Variants in PCDHGA6 observed in about 807,000 individuals in gnomAD.
The protein encoded by PCDHGA6 is protocadherin gamma subfamily A, 6.
Under a neutral mutation model 60.6 loss-of-function variants are expected in PCDHGA6, and 41 were observed. The observed-to-expected ratio is 0.68, with a 90% CI of 0.53 to 0.88. The LOEUF (loss-of-function observed/expected upper bound fraction) is 0.88. Ranked by LOEUF, PCDHGA6 falls within the 40% of genes least tolerant of loss-of-function variation. The pLI is 0.00. For synonymous variants in PCDHGA6, 594 were observed against 524.4 expected (o/e 1.13, Z -1.81); for missense variants, 1,312 against 1,203.0 (o/e 1.09, Z -1.34).
intron 2 of PCDHGA6, among the ~76,000 whole-genome samples, chr5:141,505,007 C>T (rs1210694913): frequency 6.6e-6 from 1 of 152,050 alleles, no homozygotes; most frequent in Non-Finnish European, 1.5e-5. Flanking sequence ...ACTAAAAATA[C>T]AAAAATTAGC....
chr5:141,503,598 CAAAAA>C (rs765754054), intron 2 of PCDHGA6, among the ~76,000 whole-genome samples: 1 of 65,760 alleles, frequency 1.5e-5, no homozygotes, highest in African/African-American at 4.7e-5. Context: ...GACTCCAGCT[CAAAAA>C]AAAAAAAAAA....
At chr5:141,390,867 C>CATGT in intron 1 of PCDHGA6, 1 of 151,040 alleles carries the variant, frequency 6.6e-6, no homozygotes, top group East Asian at 1.9e-4. Flanking sequence ...GCTGTGTGTG[C>CATGT]GTGTGTGTGT....
At chr5:141,399,842 A>G (rs749737928) in intron 1 of PCDHGA6, 11 of 1,612,852 alleles carry the variant, frequency 6.8e-6, no homozygotes, top group Non-Finnish European at 8.5e-7. Flanking sequence ...GCGCTCTTCG[A>G]TATGGTGCCG....
chr5:141,433,142 G>A, intron 1 of PCDHGA6: 2 of 1,614,108 alleles, frequency 1.2e-6, no homozygotes, highest in African/African-American at 1.3e-5. Flanking sequence ...TTTGCTGTCA[G>A]GTGATTCGGT....
At position 141,375,511 on chromosome 5, in the gene PCDHGA6, A is replaced by C. The variant is rs372798366; in HGVS notation, c.1428A>C (p.Ala476=). The part of the protein sequence containing the change: ...PRGASIFSVN[A]LDPDVDQNAQ... ...GTGCCTCCATCTTCTCTGTGAATGC[A>C]CTGGACCCTGACGTGGACCAGAACG... The change falls in exon 1 of 4, where the codon GCA becomes GCC. Residue 476 remains alanine (A), a synonymous_variant. Transcript: ENST00000517434. 2 of 1,613,960 alleles carry C rather than the reference A, an allele frequency of 1.2e-6. No individual in the cohort carries two copies. Among genetic ancestry groups the C allele is most frequent in the South Asian group, 2.2e-5 (2 of 91,084 alleles).
chr5:141,395,195 C>T (rs1317395472), intron 1 of PCDHGA6: 1 of 1,613,760 alleles, frequency 6.2e-7, no homozygotes, highest in Admixed American at 1.7e-5. Context: ...TGTTAACATC[C>T]GTAGATTTTC....
chr5:141,427,205 C>T lies in PCDHGA6; in HGVS notation c.2424+50698C>T, dbSNP rs73280903. 3.4e-3 allele frequency: 1,562 copies of T among 456,606 alleles called. 21 individuals carry two copies. Among genetic ancestry groups the T allele is most frequent in the African/African-American group, 0.028 (1,422 of 50,136 alleles). 28.3% of individuals were successfully genotyped at this position (456,606 alleles called of 1,614,324 possible). Reference sequence around the variant, plus strand: ...TTAAATCCAAAGACTTAATAGACTTCGAATTTCGTAGCAGTTATACCATGA... The same window carrying T: ...TTAAATCCAAAGACTTAATAGACTTTGAATTTCGTAGCAGTTATACCATGA... On this transcript the variant is annotated intron_variant, in intron 1 of 3. Transcript: ENST00000517434.
intron 1 of PCDHGA6, among the ~76,000 whole-genome samples, chr5:141,442,917 G>A (rs1041756930): frequency 6.6e-6 from 1 of 152,178 alleles, no homozygotes; most frequent in Non-Finnish European, 1.5e-5. Context: ...GCACACAACT[G>A]TTTCATTTTC....
chr5:141,403,775 G>A (rs760589412), intron 1 of PCDHGA6: 2 of 1,613,866 alleles, frequency 1.2e-6, no homozygotes, highest in Admixed American at 1.7e-5. Context: ...GGGAATCAAC[G>A]GAAAAGTGGC....
At position 141,384,872 on chromosome 5, in the gene PCDHGA6, T is replaced by A. The variant is rs773444317; in HGVS notation, c.2424+8365T>A. On this transcript the variant is annotated intron_variant, in intron 1 of 3. Coordinates refer to ENST00000517434, the MANE Select transcript of PCDHGA6 (RefSeq NM_018919.3). ...GGTCAGCCTCCTCTGTCAGCCACCG[T>A]CACACTCACCGTGGCTGTGGCTGAC... is the stretch of plus-strand genomic sequence containing the variant. 1.9e-6 allele frequency: 3 copies of A among 1,613,766 alleles called. No individual in the cohort carries two copies. The highest frequency in any genetic ancestry group is 2.5e-6 in the Non-Finnish European group (3 of 1,179,946).
At chr5:141,433,028 G>C in intron 1 of PCDHGA6, 1 of 1,614,116 alleles carries the variant, frequency 6.2e-7, no homozygotes, top group Non-Finnish European at 8.5e-7. Context: ...TTCCCACGAG[G>C]TTTCCCTCAC....
intron 1 of PCDHGA6, chr5:141,423,752 G>GC: frequency 1.6e-6 from 1 of 644,956 alleles, no homozygotes; most frequent in East Asian, 1.1e-4. Context: ...AAACTGTTTG[G>GC]GGGGGGGGTG....
At chr5:141,380,260 G>A (rs1776331356) in intron 1 of PCDHGA6, among the ~76,000 whole-genome samples, 1 of 152,114 alleles carries the variant, frequency 6.6e-6, no homozygotes, top group South Asian at 2.1e-4. Context: ...AGGGGAAGGA[G>A]TAAAATCTCA....
chr5:141,494,801 C>T lies in PCDHGA6; in HGVS notation c.2425-6C>T, dbSNP rs2099757031. ...CTCAGCCCCTTTCCCTCTGTTTTCTCCACAGCAAGCCCCGCCCAACACGGA... is the reference window on the plus strand; with the variant it reads ...CTCAGCCCCTTTCCCTCTGTTTTCTTCACAGCAAGCCCCGCCCAACACGGA... On this transcript the variant is annotated splice_polypyrimidine_tract_variant and splice_region_variant and intron_variant, in intron 1 of 3. Transcript: ENST00000517434. The T allele has an allele frequency of 6.2e-7, 1 of 1,614,146 alleles. No individual in the cohort carries two copies. The highest frequency in any genetic ancestry group is 2.2e-5 in the East Asian group (1 of 44,880).
At chr5:141,467,018 CTTTGT>C (rs1209768587) in intron 1 of PCDHGA6, among the ~76,000 whole-genome samples, 4 of 149,992 alleles carry the variant, frequency 2.7e-5, no homozygotes, top group African/African-American at 7.3e-5. Context: ...ATTTTTTTCC[CTTTGT>C]TTTTGTTTTT....
chr5:141,399,997 A>G, intron 1 of PCDHGA6: 1 of 1,612,344 alleles, frequency 6.2e-7, no homozygotes, highest in Non-Finnish European at 8.5e-7. Context: ...AGAGGTGCGC[A>G]CAGCGCGTGC....
chr5:141,382,674 C>G (rs951969894), intron 1 of PCDHGA6: 43 of 436,018 alleles, frequency 9.9e-5, no homozygotes, highest in African/African-American at 8.4e-4. Context: ...CCGCTGTTCA[C>G]CAACCAGGGA....
chr5:141,385,635 C>G (rs148433768), intron 1 of PCDHGA6: 13 of 870,194 alleles, frequency 1.5e-5, no homozygotes, highest in African/African-American at 1.8e-5. Context: ...TGAATCGAGT[C>G]TTTCATATTG....
Position 141,375,942 on chromosome 5 carries a change from G to A in PCDHGA6, c.1859G>A (p.Gly620Asp), listed in dbSNP as rs1772069544. ...KASEPGLFSV[G>D]LHTGEVRTAR... ...AGCGAGCCAGGACTTTTCTCAGTGGGCCTGCACACGGGCGAGGTGCGCACG... is the reference window on the plus strand; with the variant it reads ...AGCGAGCCAGGACTTTTCTCAGTGGACCTGCACACGGGCGAGGTGCGCACG... Residue 620 changes from glycine (G) to aspartate (D), a missense_variant, in exon 1 of 4, where the codon GGC (glycine) becomes GAC (aspartate). Transcript: ENST00000517434. 1.2e-6 allele frequency: 2 copies of A among 1,613,400 alleles called. No homozygotes were observed. The highest frequency in any genetic ancestry group is 2.7e-5 in the African/African-American group (2 of 74,944).
Sources: allele counts gnomAD v4.1 joint callset (sites outside exome capture counted in the v4.1 genomes callset), GRCh38; gene constraint gnomAD v4.1.1; transcripts MANE v1.5; gene names NCBI Gene and HGNC (gene_info 2026-07-23, HGNC 2026-07-21).